TRIO: variants seen among roughly 807,000 people sequenced by gnomAD.
TRIO encodes the protein triple functional domain protein.
TRIO carries 58 observed loss-of-function variants against 351.9 expected under a neutral mutation model. The ratio of observed to expected loss-of-function variants is 0.16; its 90% confidence interval spans 0.13 to 0.21. The LOEUF is 0.21. Ranked by LOEUF, TRIO falls within the 10% of genes least tolerant of loss-of-function variation. TRIO has a pLI of 1.00. For missense variants in TRIO, 3,201 were observed against 4,027.8 expected, an observed-to-expected ratio of 0.79 and a Z score of 5.56; for synonymous variants, 1,758 against 1,595.7, an observed-to-expected ratio of 1.10 and a Z score of -2.42.
rs75426765 is a variant in TRIO at position 14,467,018 on chromosome 5, T to C, written c.5763+1378T>C. Reference sequence around the variant, plus strand: ...AACCCTATGAGGTTGTTATGCACTATTGTTATCCCATTTTACAGATAAGGA... The same window carrying C: ...AACCCTATGAGGTTGTTATGCACTACTGTTATCCCATTTTACAGATAAGGA... On this transcript the variant is annotated intron_variant, in intron 37 of 56. Transcript: ENST00000344204. 3.3e-4 allele frequency among the ~76,000 whole-genome samples: 51 copies of C among 152,310 alleles called. No homozygotes were observed. The East Asian group carries it at 8.7e-3, about 26-fold the overall frequency.
In TRIO at chr5:14,487,610, G is replaced by C; in HGVS notation, c.6982G>C (p.Gly2328Arg). The change falls in exon 48 of 57, where the codon GGC becomes CGC. Residue 2328 changes from glycine (G) to arginine (R), a missense_variant. By Grantham distance (125) the Gly-to-Arg change is moderately radical. Transcript: ENST00000344204. ...CCACAGTGGCGGCCCCAGCAGCTGC[G>C]GCGGCGCCCCCAGCACGAGCAGGAG... The part of the protein sequence containing the change: ...SGHSGGPSSC[G>R]GAPSTSRSRP... The C allele has an allele frequency of 2.5e-6, 3 of 1,178,542 alleles. No homozygotes were observed. Among genetic ancestry groups the C allele is most frequent in the Non-Finnish European group, 3.2e-6 (3 of 944,904 alleles). The allele number at this position is 1,178,542 out of a possible 1,614,324, so 73.0% of individuals were successfully genotyped here.
At chr5:14,288,729 G>A (rs1247418074) in intron 4 of TRIO, among the ~76,000 whole-genome samples, 2 of 151,704 alleles carry the variant, frequency 1.3e-5, no homozygotes, top group Non-Finnish European at 2.9e-5. Context: ...GTAGGCATAA[G>A]TGCTGGATCA....
intron 8 of TRIO, among the ~76,000 whole-genome samples, chr5:14,309,028 GC>G (rs967824805): frequency 6.6e-6 from 1 of 151,028 alleles, no homozygotes; most frequent in Non-Finnish European, 1.5e-5. Flanking sequence ...CAGTCACCCA[GC>G]CACTCAGCCA....
intron 3 of TRIO, among the ~76,000 whole-genome samples, chr5:14,281,322 G>C (rs928242042): frequency 6.6e-6 from 1 of 152,098 alleles, no homozygotes; most frequent in African/African-American, 2.4e-5. Flanking sequence ...AGGAGGAAGA[G>C]GGTGGAGGTA....
intron 1 of TRIO, among the ~76,000 whole-genome samples, chr5:14,248,169 A>T (rs1035595677): frequency 6.6e-6 from 1 of 152,094 alleles, no homozygotes; most frequent in Non-Finnish European, 1.5e-5. Flanking sequence ...ACCTCATGGT[A>T]TATTAGGAAA....
Position 14,350,862 on chromosome 5 carries a change from C to T in TRIO, c.2047-7316C>T, listed in dbSNP as rs76733165. Among the ~76,000 whole-genome samples, 217 of 152,158 alleles carry T rather than the reference C, an allele frequency of 1.4e-3. 2 individuals are homozygous for T. The highest frequency in any genetic ancestry group is 5.0e-3 in the African/African-American group (208 of 41,510). On this transcript the variant is annotated intron_variant, in intron 11 of 56. Coordinates refer to ENST00000344204, the MANE Select transcript of TRIO (RefSeq NM_007118.4). Reference sequence around the variant, plus strand: ...GGAAGACGATTTTTCCACAGACCAGCGGTGTTGGTGGGGGCAGGGATGGTT... The same window carrying T: ...GGAAGACGATTTTTCCACAGACCAGTGGTGTTGGTGGGGGCAGGGATGGTT...
rs933601079 is a variant in TRIO at position 14,435,710 on chromosome 5, A to G, written c.5203+15689A>G. ...GGAGTCGTGGATACTTATTGTGTGGATCATAACCCAGTGCTGTCATTGTTT... is the reference window on the plus strand; with the variant it reads ...GGAGTCGTGGATACTTATTGTGTGGGTCATAACCCAGTGCTGTCATTGTTT... On this transcript the variant is annotated intron_variant, in intron 34 of 56. Transcript: ENST00000344204. 2.0e-5 allele frequency among the ~76,000 whole-genome samples: 3 copies of G among 152,124 alleles called. No individual in the cohort carries two copies. In the East Asian group the frequency reaches 5.8e-4, roughly 29 times the overall value.
chr5:14,381,077 C>A, intron 20 of TRIO, 53 bp from the exon 21 acceptor site: 1 of 1,560,062 alleles, frequency 6.4e-7, no homozygotes, highest in South Asian at 1.2e-5. Flanking sequence ...GGGCTTTGGG[C>A]TCCTCTCAGG....
intron 35 of TRIO, 42 bp from the exon 36 acceptor site, chr5:14,462,713 A>T (rs1243651774): frequency 6.2e-7 from 1 of 1,609,774 alleles, no homozygotes; most frequent in Non-Finnish European, 8.5e-7. Flanking sequence ...ACGTCTGTGA[A>T]CTGGCCTGGA....
chr5:14,388,688 G>GTTTTTTTTTT lies in TRIO; in HGVS notation c.3948+18_3948+27dup. The GTTTTTTTTTT allele has an allele frequency of 6.9e-7, 1 of 1,440,386 alleles. No homozygotes were observed. Among genetic ancestry groups the GTTTTTTTTTT allele is most frequent in the African/African-American group, 1.6e-5 (1 of 63,216 alleles). 89.2% of individuals were successfully genotyped at this position (1,440,386 alleles called of 1,614,324 possible). A position where few individuals can be genotyped will look rare whatever the true frequency, so the allele number is the denominator to read the frequency against. ...TCCGGGAATGTATGGATGTAAGTAAGTTTTTTTTTTTTTTTTTTGCTTGTT... is the reference window on the plus strand; with the variant it reads ...TCCGGGAATGTATGGATGTAAGTAAGTTTTTTTTTTTTTTTTTTTTTTTTTTTTGCTTGTT... On this transcript the variant is annotated intron_variant, in intron 24 of 56. Coordinates refer to ENST00000344204, the MANE Select transcript of TRIO (RefSeq NM_007118.4).
Position 14,481,271 on chromosome 5 carries a change from C to T in TRIO, c.6374C>T (p.Thr2125Ile), listed in dbSNP as rs1425641656. The T allele has an allele frequency of 9.3e-6, 15 of 1,614,068 alleles. No homozygotes were observed. The highest frequency in any genetic ancestry group is 1.3e-5 in the Non-Finnish European group (15 of 1,179,992). The change falls in exon 44 of 57, where the codon ACA becomes ATA. Residue 2125 changes from threonine to isoleucine, a missense_variant. Around this residue, in one of 19 missense-constraint regions of TRIO, gnomAD observed 307 missense variants for 396.5 expected, o/e 0.77. Transcript: ENST00000344204. ...TATTCCAAAAAGGCCAGCCTGGATA[C>T]ATCAGAATTAGAGGTACATGCATCA... ...LKYSKKASLD[T>I]SELERAVEVM... is the part of the protein sequence containing the mutation.
intron 1 of TRIO, among the ~76,000 whole-genome samples, chr5:14,245,497 T>C (rs926162692): frequency 6.6e-6 from 1 of 152,178 alleles, no homozygotes; most frequent in African/African-American, 2.4e-5. Flanking sequence ...AGGCAGCTGC[T>C]AACAAAAAAC....
chr5:14,202,179 G>A (rs369465182), intron 1 of TRIO, among the ~76,000 whole-genome samples: 10 of 151,036 alleles, frequency 6.6e-5, no homozygotes, highest in African/African-American at 1.9e-4. Flanking sequence ...ACAGCATATA[G>A]CATATAGATA....
chr5:14,303,375 C>T (rs532689028), intron 7 of TRIO, among the ~76,000 whole-genome samples: 155 of 132,338 alleles, frequency 1.2e-3, no homozygotes, highest in African/African-American at 4.5e-3. Context: ...GAGATTGAGC[C>T]GGGATTGGGA....
At chr5:14,260,426 G>GA (rs1795279301) in intron 1 of TRIO, among the ~76,000 whole-genome samples, 1 of 152,126 alleles carries the variant, frequency 6.6e-6, no homozygotes, top group African/African-American at 2.4e-5. Context: ...CCATTTAGGG[G>GA]AAAAATCTCT....
chr5:14,160,665 C>T (rs1788391774), intron 1 of TRIO, among the ~76,000 whole-genome samples: 1 of 152,188 alleles, frequency 6.6e-6, no homozygotes, highest in South Asian at 2.1e-4. Flanking sequence ...AAATTGCCCT[C>T]AAGGTGGAAA....
chr5:14,320,662 T>C (rs556649397), intron 9 of TRIO, among the ~76,000 whole-genome samples: 5 of 152,318 alleles, frequency 3.3e-5, no homozygotes, highest in South Asian at 4.1e-4. Flanking sequence ...TTTATTCTTT[T>C]TTTCTCTTTC....
chr5:14,488,024 C>T lies in TRIO; in HGVS notation c.7396C>T (p.Pro2466Ser), dbSNP rs567279839. 2.5e-6 allele frequency: 4 copies of T among 1,599,718 alleles called. No homozygotes were observed. Among genetic ancestry groups the T allele is most frequent in the African/African-American group, 2.7e-5 (2 of 74,484 alleles). The change falls in exon 48 of 57, where the codon CCT (proline) becomes TCT (serine). Residue 2466 changes from proline (P) to serine (S), a missense_variant. Pro to Ser is a moderately conservative substitution (Grantham distance 74, BLOSUM62 -1). Transcript: ENST00000344204. ...PLNSPLSSAV[P>S]SLGKEPFPPS... ...GAACTCGCCGCTCTCCAGCGCGGTC[C>T]CTTCTCTCGGCAAGGAGCCCTTCCC...
chr5:14,325,408 C>T (rs1029290102), intron 9 of TRIO, among the ~76,000 whole-genome samples: 5 of 152,120 alleles, frequency 3.3e-5, no homozygotes, highest in African/African-American at 9.7e-5. Context: ...AAAGGGGAGC[C>T]GGAGCTGCGT....
Sources: gnomAD v4.1 joint callset for allele counts (sites outside exome capture counted in the v4.1 genomes callset) on GRCh38, gnomAD v4.1.1 for gene constraint, gnomAD v4.1.1 regional missense constraint, MANE v1.5 for transcripts, NCBI Gene and HGNC (gene_info 2026-07-23, HGNC 2026-07-21) for gene names.